Variants in KLHL13 observed in about 807,000 individuals in gnomAD.
The protein encoded by KLHL13 is kelch like family member 13, also known as kelch-like protein 13.
In KLHL13, 10 loss-of-function variants were observed where a neutral mutation model predicts 37.1. The observed-to-expected ratio is 0.27, with a 90% CI of 0.17 to 0.46. The LOEUF is 0.46. KLHL13 is among the 20% of genes least tolerant of loss of function. KLHL13 has a pLI of 1.00. For synonymous variants in KLHL13, 163 were observed against 181.2 expected, an observed-to-expected ratio of 0.90 and a Z score of 0.81; for missense variants, 360 against 509.3, an observed-to-expected ratio of 0.71 and a Z score of 2.82.
chrX:118,095,438 A>C (rs1168092111), intron 1 of KLHL13, among the ~76,000 whole-genome samples: 1 of 111,294 alleles, frequency 9.0e-6, no homozygotes, highest in East Asian at 2.8e-4. Context: ...ACACAATAAT[A>C]ATGGGAGACT....
At position 117,960,647 on chromosome X, in the gene KLHL13, A is replaced by G. The variant is rs894217538; in HGVS notation, c.98+12084T>C. ...ATTATTTGAATTTCCAGAGACATGC[A>G]AAGACCTTCTGGTTGTTAACTATTA... On this transcript the variant is annotated intron_variant, in intron 1 of 6. Coordinates refer to ENST00000262820, the Ensembl canonical transcript of KLHL13. Among the ~76,000 whole-genome samples, 15 of 112,493 alleles carry G rather than the reference A, an allele frequency of 1.3e-4. No individual in the cohort carries two copies. In the East Asian group the frequency reaches 3.6e-3, roughly 27 times the overall value.
intron 1 of KLHL13, among the ~76,000 whole-genome samples, chrX:118,029,567 A>C (rs989032868): frequency 8.9e-6 from 1 of 112,283 alleles, no homozygotes; most frequent in African/African-American, 3.2e-5. Context: ...TTCGTTTCAG[A>C]TATATTGGGA....
intron 1 of KLHL13, among the ~76,000 whole-genome samples, chrX:117,964,060 G>C (rs2053362697): frequency 1.4e-5 from 1 of 73,224 alleles, no homozygotes; most frequent in South Asian, 1.2e-3. Flanking sequence ...GGGGAGGGGG[G>C]AGGGATAGCA....
chrX:118,062,102 C>T (rs1329159527), intron 1 of KLHL13, among the ~76,000 whole-genome samples: 1 of 110,822 alleles, frequency 9.0e-6, no homozygotes, highest in Non-Finnish European at 1.9e-5. Context: ...TTTTGAGGCA[C>T]CAGGAATCTA....
intron 1 of KLHL13, among the ~76,000 whole-genome samples, chrX:118,103,020 G>A (rs2055307508): frequency 8.9e-6 from 1 of 111,797 alleles, no homozygotes; most frequent in Admixed American, 9.5e-5. Context: ...TAAATGAACA[G>A]GTTTCTAATG....
At chrX:117,965,870 ACT>A (rs2053417489) in intron 1 of KLHL13, among the ~76,000 whole-genome samples, 1 of 111,323 alleles carries the variant, frequency 9.0e-6, no homozygotes, top group Non-Finnish European at 1.9e-5. Context: ...CATGCTAAAA[ACT>A]CTCAATAAAT....
chrX:117,908,664 T>C lies in KLHL13; in HGVS notation c.1366+637A>G, dbSNP rs374685849. On this transcript the variant is annotated intron_variant, in intron 5 of 6. Transcript: ENST00000262820. Reference sequence around the variant, plus strand: ...CAAAGTACATTTATGACCAATTTTATACTGGGAAGACAAAAAGGTGACCAT... The same window carrying C: ...CAAAGTACATTTATGACCAATTTTACACTGGGAAGACAAAAAGGTGACCAT... Among the ~76,000 whole-genome samples the C allele has an allele frequency of 1.5e-3, 165 of 111,804 alleles. 2 individuals are homozygous for C. Among genetic ancestry groups the C allele is most frequent in the African/African-American group, 5.2e-3 (160 of 30,855 alleles).
intron 4 of KLHL13, among the ~76,000 whole-genome samples, chrX:117,919,024 G>C (rs1602546639): frequency 9.0e-6 from 1 of 110,975 alleles, no homozygotes; most frequent in East Asian, 2.8e-4. Flanking sequence ...TTACACAGAG[G>C]CTTTTTTTTT....
intron 1 of KLHL13, among the ~76,000 whole-genome samples, chrX:118,092,327 CA>C (rs2055146661): frequency 9.0e-6 from 1 of 111,491 alleles, no homozygotes; most frequent in African/African-American, 3.3e-5. Context: ...CCTTACCTAT[CA>C]GGGGAAACAA....
chrX:118,035,482 A>C (rs1487480592), intron 1 of KLHL13, among the ~76,000 whole-genome samples: 1 of 109,794 alleles, frequency 9.1e-6, no homozygotes, highest in Non-Finnish European at 1.9e-5. Flanking sequence ...ACAGAACCAA[A>C]GACAAAAACC....
intron 1 of KLHL13, among the ~76,000 whole-genome samples, chrX:118,111,695 A>G (rs1202866529): frequency 8.9e-6 from 1 of 112,500 alleles, no homozygotes; most frequent in Non-Finnish European, 1.9e-5. Context: ...GATCGAGACC[A>G]TCCTGGCTAA....
chrX:118,031,544 T>A (rs2054344269), intron 1 of KLHL13, among the ~76,000 whole-genome samples: 4 of 90,990 alleles, frequency 4.4e-5, no homozygotes, highest in African/African-American at 1.8e-4. Context: ...TATATATTAG[T>A]TATATATATA....
chrX:118,011,139 G>T (rs2054062737), intron 1 of KLHL13, among the ~76,000 whole-genome samples: 1 of 109,146 alleles, frequency 9.2e-6, no homozygotes, highest in South Asian at 4.0e-4. Flanking sequence ...AAGAGGCATG[G>T]CATATATTTC....
In KLHL13 at chrX:118,028,509, GA is replaced by G; in HGVS notation, c.-55-82935del. ...AGTTGGATAATGACCTGTTCAGGAG[GA>G]AAAGAAGCCAATATTTACTATGAAG... On this transcript the variant is annotated intron_variant, in intron 1 of 6. Coordinates refer to the KLHL13 transcript ENST00000371882. 1 of 840,750 alleles carries G rather than the reference GA, an allele frequency of 1.2e-6. No homozygotes were observed. Among genetic ancestry groups the G allele is most frequent in the Non-Finnish European group, 1.7e-6 (1 of 593,004 alleles). 69.3% of individuals were successfully genotyped at this position (840,750 alleles called of 1,213,427 possible). A position where few individuals can be genotyped will look rare whatever the true frequency, so the allele number is the denominator to read the frequency against.
At chrX:118,066,248 T>C (rs938245941) in intron 1 of KLHL13, among the ~76,000 whole-genome samples, 5 of 111,658 alleles carry the variant, frequency 4.5e-5, no homozygotes, top group Admixed American at 2.9e-4. Context: ...TATTGGTAAG[T>C]ATTCTTTCAT....
intron 1 of KLHL13, among the ~76,000 whole-genome samples, chrX:118,103,114 A>G (rs747714786): frequency 2.4e-4 from 27 of 111,917 alleles, no homozygotes; most frequent in African/African-American, 8.4e-4. Context: ...TATATGCCAG[A>G]ATTTCTAAAT....
chrX:118,079,531 C>T (rs903239739), intron 1 of KLHL13, among the ~76,000 whole-genome samples: 1 of 110,166 alleles, frequency 9.1e-6, no homozygotes, highest in Non-Finnish European at 1.9e-5. Context: ...AGAACACAAT[C>T]GTATTTACAA....
chrX:118,026,499 A>T (rs2054276121), intron 1 of KLHL13, among the ~76,000 whole-genome samples: 1 of 111,761 alleles, frequency 8.9e-6, no homozygotes. Context: ...AAGAACAAAC[A>T]TCAAATTTAT....
intron 1 of KLHL13, among the ~76,000 whole-genome samples, chrX:118,094,024 A>G (rs74621295): frequency 1.8e-5 from 2 of 108,755 alleles, no homozygotes; most frequent in Admixed American, 2.0e-4. Context: ...AAAGCTGGAC[A>G]GAGAATGACT....
Sources: allele counts gnomAD v4.1 joint callset (sites outside exome capture counted in the v4.1 genomes callset), GRCh38; gene constraint gnomAD v4.1.1; transcripts MANE v1.5; gene names NCBI Gene and HGNC (gene_info 2026-07-23, HGNC 2026-07-21).